Variants in ANAPC10 observed in about 807,000 individuals in gnomAD.
ANAPC10 encodes anaphase promoting complex subunit 10, also known as anaphase-promoting complex subunit 10.
In ANAPC10, 12 loss-of-function variants were observed where a neutral mutation model predicts 22.0. The observed-to-expected ratio is 0.55, with a 90% CI of 0.35 to 0.88. ANAPC10 has a LOEUF of 0.88. ANAPC10 is among the 40% of genes least tolerant of loss of function. The pLI, the probability that ANAPC10 is intolerant of heterozygous loss-of-function variation, is 0.01. For missense variants in ANAPC10, 188 were observed against 220.9 expected (o/e 0.85, Z 0.94); for synonymous variants, 65 against 69.5 (o/e 0.94, Z 0.32).
At chr4:145,051,394 A>T (rs1741079283) in intron 4 of ANAPC10, among the ~76,000 whole-genome samples, 1 of 152,190 alleles carries the variant, frequency 6.6e-6, no homozygotes, top group African/African-American at 2.4e-5. Flanking sequence ...TAAAAGATAT[A>T]ATAATAATGA....
rs566474840 is a variant in ANAPC10, at chr4:145,024,253, T to G, written c.328-28650A>C. On this transcript the variant is annotated intron_variant, in intron 4 of 4. Transcript: ENST00000507656. ...ACCTCTCAAAGTCATCAATGCAGACTGGAATCAACTTCTTCCAAACTCTTG... is the reference window on the plus strand; with the variant it reads ...ACCTCTCAAAGTCATCAATGCAGACGGGAATCAACTTCTTCCAAACTCTTG... Among the ~76,000 whole-genome samples the G allele has an allele frequency of 9.2e-5, 14 of 152,332 alleles. No homozygotes were observed. The South Asian group carries it at 1.7e-3, about 18-fold the overall frequency.
chr4:145,060,208 T>C (rs974977286), intron 4 of ANAPC10, among the ~76,000 whole-genome samples: 13 of 152,096 alleles, frequency 8.5e-5, no homozygotes, highest in African/African-American at 2.9e-4. Flanking sequence ...ACGAGAAGCA[T>C]AAATAATTTC....
At chr4:145,063,565 C>T (rs1293949076) in intron 4 of ANAPC10, among the ~76,000 whole-genome samples, 1 of 152,088 alleles carries the variant, frequency 6.6e-6, no homozygotes, top group East Asian at 1.9e-4. Context: ...ATCACAAGTG[C>T]TTCCCAAATC....
At chr4:145,097,480 A>C (rs551179482) in intron 1 of ANAPC10, 2 of 1,287,018 alleles carry the variant, frequency 1.6e-6, no homozygotes. Context: ...AAATAGGTGC[A>C]ATAGTTCTGC....
intron 4 of ANAPC10, among the ~76,000 whole-genome samples, chr4:145,030,549 A>G (rs1048805823): frequency 4.6e-5 from 7 of 152,196 alleles, no homozygotes; most frequent in Admixed American, 3.9e-4. Flanking sequence ...AGGGGCTTAC[A>G]GAGGTCAGGT....
At chr4:145,096,258 T>C (rs1262490086) in intron 1 of ANAPC10, 147 bp from the exon 2 acceptor site, 3 of 905,654 alleles carry the variant, frequency 3.3e-6, no homozygotes, top group Non-Finnish European at 4.8e-6. Context: ...ATTAAATCAC[T>C]GTAATTTAAA....
intron 4 of ANAPC10, among the ~76,000 whole-genome samples, chr4:145,062,162 T>C (rs1258745511): frequency 6.6e-6 from 1 of 151,952 alleles, no homozygotes; most frequent in Non-Finnish European, 1.5e-5. Context: ...TAAGAGCTGA[T>C]TTATTTATTA....
Position 145,096,032 on chromosome 4 carries a change from C to A in ANAPC10, c.68G>T (p.Arg23Leu). The A allele has an allele frequency of 6.2e-7, 1 of 1,614,068 alleles. No homozygotes were observed. The highest frequency in any genetic ancestry group is 8.5e-7 in the Non-Finnish European group (1 of 1,179,968). Residue 23 changes from arginine to leucine, a missense_variant, in exon 2 of 5, where the codon CGG becomes CTG. Physicochemically the swap from Arg to Leu is moderately radical, Grantham distance 102. Coordinates refer to ENST00000507656, the MANE Select transcript of ANAPC10 (RefSeq NM_001256706.2). ...PKQLERTGTV[R>L]EIGSQAVWSL... ...CCAAACAGCTTGTGACCCAATTTCCCGTACTGTTCCAGTCCTTTCCAACTG... is the reference window on the plus strand; with the variant it reads ...CCAAACAGCTTGTGACCCAATTTCCAGTACTGTTCCAGTCCTTTCCAACTG...
At chr4:145,016,533 T>A (rs564262804) in intron 4 of ANAPC10, among the ~76,000 whole-genome samples, 1 of 152,270 alleles carries the variant, frequency 6.6e-6, no homozygotes, top group Non-Finnish European at 1.5e-5. Flanking sequence ...ATTGTGAAAA[T>A]GGCCATATTG....
chr4:145,005,284 G>C (rs1733172288), intron 4 of ANAPC10, among the ~76,000 whole-genome samples: 1 of 151,982 alleles, frequency 6.6e-6, no homozygotes, highest in African/African-American at 2.4e-5. Flanking sequence ...AGTCTCTCAG[G>C]GATTTTGGAT....
At chr4:145,048,719 C>CA (rs1740676788) in intron 4 of ANAPC10, among the ~76,000 whole-genome samples, 1 of 151,154 alleles carries the variant, frequency 6.6e-6, no homozygotes, top group South Asian at 2.1e-4. Flanking sequence ...TGCTAAAGAA[C>CA]ATGTATGTTT....
upstream of ANAPC10, chr4:145,098,548 G>C (rs1310044194): frequency 2.6e-5 from 4 of 152,380 alleles, no homozygotes; most frequent in African/African-American, 9.6e-5. Context: ...GCGTGGCAGC[G>C]GTTCCTGCGG....
intron 4 of ANAPC10, among the ~76,000 whole-genome samples, chr4:145,057,490 C>T (rs10017992): frequency 0.99 from 150,413 of 152,238 alleles, 74,328 homozygotes; most frequent in East Asian, 1. Context: ...ATCCAACTCT[C>T]GAATATTGGC....
chr4:145,037,750 C>T (rs1738809894), intron 4 of ANAPC10, among the ~76,000 whole-genome samples: 2 of 152,084 alleles, frequency 1.3e-5, no homozygotes, highest in Admixed American at 1.3e-4. Context: ...AGTTTCAGAG[C>T]AGCCTGGCCA....
chr4:145,026,945 A>ATATGTG lies in ANAPC10; in HGVS notation c.328-31343_328-31342insCACATA, dbSNP rs1287102797. Among the ~76,000 whole-genome samples the ATATGTG allele has an allele frequency of 4.7e-3, 80 of 17,138 alleles. 3 individuals are homozygous for ATATGTG. Among genetic ancestry groups the ATATGTG allele is most frequent in the Non-Finnish European group, 6.5e-3 (55 of 8,442 alleles). The allele number at this position is 17,138 out of a possible 152,430, so 11.2% of individuals were successfully genotyped here. A position where few individuals can be genotyped will look rare whatever the true frequency, so the allele number is the denominator to read the frequency against. Reference sequence around the variant, plus strand: ...CATATATATATATATATATATATATATGTGTGTGTGTGTATATATATATAT... The same window carrying ATATGTG: ...CATATATATATATATATATATATATATATGTGTGTGTGTGTGTGTATATATATATAT... On this transcript the variant is annotated intron_variant, in intron 4 of 4. Coordinates refer to ENST00000507656, the MANE Select transcript of ANAPC10 (RefSeq NM_001256706.2).
chr4:145,096,553 C>T (rs1214736561), intron 1 of ANAPC10, among the ~76,000 whole-genome samples: 3 of 152,168 alleles, frequency 2.0e-5, no homozygotes, highest in Admixed American at 2.0e-4. Flanking sequence ...GGCTTTATTT[C>T]CTCTCCTGTT....
At chr4:145,077,655 CA>C (rs936183573) in intron 3 of ANAPC10, among the ~76,000 whole-genome samples, 1 of 151,936 alleles carries the variant, frequency 6.6e-6, no homozygotes, top group Non-Finnish European at 1.5e-5. Flanking sequence ...AGCAGCACAT[CA>C]AAAAAAGGCT....
intron 4 of ANAPC10, among the ~76,000 whole-genome samples, chr4:145,039,085 C>A: frequency 9.7e-6 from 1 of 102,952 alleles, no homozygotes; most frequent in Non-Finnish European, 1.9e-5. Context: ...ACAAATTCAA[C>A]AGATACTTCT....
intron 4 of ANAPC10, among the ~76,000 whole-genome samples, chr4:145,008,844 T>A (rs1411130648): frequency 6.6e-6 from 1 of 152,100 alleles, no homozygotes; most frequent in African/African-American, 2.4e-5. Context: ...GCCAGGGCAA[T>A]CAGGCAGGAA....
Sources: allele counts gnomAD v4.1 joint callset (sites outside exome capture counted in the v4.1 genomes callset), GRCh38; gene constraint gnomAD v4.1.1; transcripts MANE v1.5; gene names NCBI Gene and HGNC (gene_info 2026-07-23, HGNC 2026-07-21).